The following SLC2A7 variants were observed in gnomAD, a reference collection of about 807,000 sequenced individuals.
SLC2A7 encodes the protein solute carrier family 2 member 7.
SLC2A7 carries 50 observed loss-of-function variants against 50.5 expected under a neutral mutation model. The ratio of observed to expected loss-of-function variants is 0.99; its 90% CI spans 0.79 to 1.25. The LOEUF is 1.25. SLC2A7 is among the 50% of genes most tolerant of loss of function. SLC2A7 has a pLI of 0.00. For missense variants in SLC2A7, 683 were observed against 679.1 expected (o/e 1.01, Z -0.06); for synonymous variants, 308 against 300.4 (o/e 1.03, Z -0.26).
rs938353755 is a variant in SLC2A7, at chr1:9,008,070, C to T, written c.1117-685G>A. 2.0e-5 allele frequency among the ~76,000 whole-genome samples: 3 copies of T among 152,078 alleles called. No individual in the cohort carries two copies. The highest frequency in any genetic ancestry group is 4.4e-5 in the Non-Finnish European group (3 of 68,012). ...TACCATTCTCTGGAGACTCCTAGGA[C>T]CCCCGGACCCGTGGAGCTGGCAGAC... On this transcript the variant is annotated intron_variant, in intron 9 of 11. Coordinates refer to ENST00000400906, the MANE Select transcript of SLC2A7 (RefSeq NM_207420.3). This position sits in a 1 kb window ranked among gnomAD's most constrained non-coding sequence, Gnocchi z 5.9.
chr1:9,015,270 C>T (rs187711341), intron 5 of SLC2A7, 28 bp from the exon 6 acceptor site: 56 of 1,552,258 alleles, frequency 3.6e-5, no homozygotes, highest in South Asian at 3.4e-4. Flanking sequence ...CTCAGGATCC[C>T]GGGGCCTGGG....
At chr1:9,014,605 G>A (rs1040687411) in intron 7 of SLC2A7, 76 bp downstream of exon 7, 9 of 1,521,718 alleles carry the variant, frequency 5.9e-6, no homozygotes, top group Non-Finnish European at 8.0e-6. Context: ...GCCTCTGTGG[G>A]TGGAACTGTG....
At chr1:9,007,423 G>C in intron 9 of SLC2A7, 38 bp from the exon 10 acceptor site, 1 of 1,606,698 alleles carries the variant, frequency 6.2e-7, no homozygotes, top group Non-Finnish European at 8.5e-7. Context: ...CTGAGGCCAG[G>C]AGCCCCACGT....
intron 2 of SLC2A7, among the ~76,000 whole-genome samples, chr1:9,024,042 G>A (rs147548019): frequency 6.6e-6 from 1 of 151,768 alleles, no homozygotes; most frequent in Non-Finnish European, 1.5e-5. Context: ...TTTTAGTAGA[G>A]ATGAGGTTTC....
intron 3 of SLC2A7, among the ~76,000 whole-genome samples, chr1:9,021,886 G>A (rs1640917565): frequency 6.6e-6 from 1 of 152,114 alleles, no homozygotes; most frequent in Admixed American, 6.5e-5. Flanking sequence ...AGGAAGTGGA[G>A]GCCAAGACTG....
downstream of SLC2A7, among the ~76,000 whole-genome samples, chr1:9,000,357 G>A (rs780043886): frequency 3.3e-5 from 5 of 151,400 alleles, no homozygotes; most frequent in Non-Finnish European, 7.4e-5. Flanking sequence ...GGTGGCTCAT[G>A]CCTGTAATCC....
At chr1:9,000,651 G>A (rs185098267), downstream of SLC2A7, among the ~76,000 whole-genome samples, 8 of 152,000 alleles carry the variant, frequency 5.3e-5, no homozygotes, top group East Asian at 1.5e-3. Context: ...TAAAATAAAA[G>A]GGGTGGTCTA....
downstream of SLC2A7, among the ~76,000 whole-genome samples, chr1:9,002,708 TTC>T (rs1365103303): frequency 6.6e-6 from 1 of 152,228 alleles, no homozygotes; most frequent in African/African-American, 2.4e-5. Context: ...GGGCCCACTG[TTC>T]TTTCTCTATA....
the SLC2A7 span, among the ~76,000 whole-genome samples, chr1:8,995,426 C>T: frequency 1.3e-5 from 2 of 150,170 alleles, no homozygotes; most frequent in East Asian, 2.0e-4. Flanking sequence ...CCAGCCTGGG[C>T]GACAGAGCGA....
intron 1 of SLC2A7, 106 bp downstream of exon 1, chr1:9,026,189 G>A (rs1202891752): frequency 7.2e-6 from 9 of 1,249,992 alleles, no homozygotes; most frequent in Admixed American, 5.9e-5. Flanking sequence ...AAGGAAGCAC[G>A]CTACCCGCTC....
the SLC2A7 span, among the ~76,000 whole-genome samples, chr1:8,997,211 C>T: frequency 6.6e-6 from 1 of 152,022 alleles, no homozygotes; most frequent in Non-Finnish European, 1.5e-5. Flanking sequence ...GAGGCTGAGA[C>T]GGGAGGATCA....
intron 3 of SLC2A7, among the ~76,000 whole-genome samples, chr1:9,021,656 G>A (rs976846121): frequency 1.3e-5 from 2 of 152,214 alleles, no homozygotes; most frequent in African/African-American, 2.4e-5. Flanking sequence ...ACAGCCTTCA[G>A]GAGCAGCCAC....
chr1:9,004,665 G>T, intron 11 of SLC2A7, 87 bp downstream of exon 11: 1 of 1,519,236 alleles, frequency 6.6e-7, no homozygotes, highest in Non-Finnish European at 9.0e-7. Context: ...CACCTTGCTG[G>T]ATTCACAGAT....
intron 5 of SLC2A7, among the ~76,000 whole-genome samples, chr1:9,015,641 G>T (rs1368854308): frequency 1.3e-5 from 2 of 152,114 alleles, no homozygotes; most frequent in African/African-American, 4.8e-5. Context: ...TTGGCCTAAG[G>T]AGGGGAACTG....
intron 9 of SLC2A7, among the ~76,000 whole-genome samples, chr1:9,007,648 A>G (rs1487137226): frequency 6.6e-6 from 1 of 152,180 alleles, no homozygotes; most frequent in East Asian, 1.9e-4. Flanking sequence ...TTTTCCTGCC[A>G]GGTGCCATTC....
At position 9,003,421 on chromosome 1, in the gene SLC2A7, G is replaced by GT. The variant is rs150314757; in HGVS notation, c.1417dup (p.Thr473AsnfsTer26). The GT allele has an allele frequency of 6.2e-7, 1 of 1,614,202 alleles. No homozygotes were observed. The highest frequency in any genetic ancestry group is 8.5e-7 in the Non-Finnish European group (1 of 1,180,036). ...AAAAATGCGGTTTATCTCCACAAAT[G>GT]TTTTGCCCTTGGTCTCCGGAATAAC... On this transcript the variant is annotated frameshift_variant, in exon 12 of 12. Transcript: ENST00000400906. LOFTEE classifies it low-confidence loss of function (END_TRUNC).
chr1:9,022,538 G>T (rs1038846915), intron 3 of SLC2A7, among the ~76,000 whole-genome samples: 2 of 152,088 alleles, frequency 1.3e-5, no homozygotes, highest in Admixed American at 6.6e-5. Context: ...GCGGGGAGAG[G>T]CTGCAGCGCT....
intron 5 of SLC2A7, among the ~76,000 whole-genome samples, chr1:9,016,637 G>A (rs907922104): frequency 1.3e-5 from 2 of 150,308 alleles, no homozygotes; most frequent in Non-Finnish European, 3.0e-5. Context: ...GGGAGGGAGG[G>A]AAGAAGAGAG....
At chr1:9,014,659 G>T (rs1306555792) in intron 7 of SLC2A7, 22 bp downstream of exon 7, 1 of 1,550,796 alleles carries the variant, frequency 6.4e-7, no homozygotes. Context: ...CTGTCTCCCT[G>T]CCTGGCCACC....
Sources: gnomAD v4.1 joint callset for allele counts (sites outside exome capture counted in the v4.1 genomes callset) on GRCh38, gnomAD v4.1.1 for gene constraint, Gnocchi (gnomAD v3.1) non-coding constraint, MANE v1.5 for transcripts, NCBI Gene and HGNC (gene_info 2026-07-23, HGNC 2026-07-21) for gene names.